Variants in KLHL25 observed in about 807,000 individuals in gnomAD.
KLHL25 encodes the protein kelch like family member 25, also known as kelch-like protein 25.
KLHL25 carries 41 observed loss-of-function variants against 30.0 expected under a neutral mutation model. That is an observed-to-expected ratio of 1.37 (90% CI 1.07 to 1.78). The LOEUF (loss-of-function observed/expected upper bound fraction) is 1.78, where lower values mean the gene tolerates loss of function less well. Ranked by LOEUF, KLHL25 falls within the 40% of genes most tolerant of loss-of-function variation. The probability of loss-of-function intolerance (pLI) is 0.00; values close to 1 mark genes in which losing one functional copy is unlikely to be tolerated. For synonymous variants in KLHL25, 399 were observed against 355.3 expected, an observed-to-expected ratio of 1.12 and a Z score of -1.38; for missense variants, 971 against 824.5, an observed-to-expected ratio of 1.18 and a Z score of -2.18.
chr15:85,773,991 G>A (rs1018789217), intron 1 of KLHL25, among the ~76,000 whole-genome samples: 8 of 152,160 alleles, frequency 5.3e-5, no homozygotes, highest in African/African-American at 1.9e-4. Context: ...GAATGGTTGT[G>A]TGTGATTATT....
rs35857947 is a variant in KLHL25, at chr15:85,777,485, C to A, written c.-10-7665G>T. On this transcript the variant is annotated intron_variant, in intron 1 of 2. Coordinates refer to ENST00000337975, the MANE Select transcript of KLHL25 (RefSeq NM_022480.4). ...CTACCCGTCAGCCTGCAGCCAAAGCCTGGAAAGCGAAGGGAGGTCCCGACA... is the reference window on the plus strand; with the variant it reads ...CTACCCGTCAGCCTGCAGCCAAAGCATGGAAAGCGAAGGGAGGTCCCGACA... Among the ~76,000 whole-genome samples, 972 of 152,340 alleles carry A rather than the reference C, an allele frequency of 6.4e-3. 6 individuals are homozygous for A. Among genetic ancestry groups the A allele is most frequent in the Non-Finnish European group, 0.011 (727 of 68,028 alleles).
intron 2 of KLHL25, chr15:85,763,059 T>C (rs533938852): frequency 1.7e-4 from 26 of 152,390 alleles, no homozygotes; most frequent in African/African-American, 5.5e-4. Context: ...AAAGAAGGGT[T>C]GGGAGTCTGC....
intron 1 of KLHL25, among the ~76,000 whole-genome samples, chr15:85,773,449 C>T (rs569032234): frequency 1.1e-4 from 17 of 152,230 alleles, no homozygotes; most frequent in African/African-American, 4.8e-5. Flanking sequence ...AGCACAATGC[C>T]GCCTCCTCCT....
At chr15:85,785,907 C>T (rs945275199) in intron 1 of KLHL25, among the ~76,000 whole-genome samples, 8 of 152,146 alleles carry the variant, frequency 5.3e-5, no homozygotes, top group African/African-American at 1.9e-4. Flanking sequence ...AGCGAAATGC[C>T]TTCAAGCTGC....
At chr15:85,794,200 G>A (rs1052065411) in intron 1 of KLHL25, among the ~76,000 whole-genome samples, 1 of 152,204 alleles carries the variant, frequency 6.6e-6, no homozygotes, top group African/African-American at 2.4e-5. Context: ...ACCTTTCTCT[G>A]CCGCTGGACA....
chr15:85,787,475 A>C (rs4843096), intron 1 of KLHL25, among the ~76,000 whole-genome samples: 26,991 of 152,160 alleles, frequency 0.18, 2,715 homozygotes, highest in East Asian at 0.35. Flanking sequence ...TCTGTAGAGA[A>C]ATGGGCATTC....
At chr15:85,794,171 G>T (rs1364007562) in intron 1 of KLHL25, among the ~76,000 whole-genome samples, 2 of 152,212 alleles carry the variant, frequency 1.3e-5, no homozygotes, top group Non-Finnish European at 2.9e-5. Context: ...GTGGACAGGT[G>T]GGTGTGCCTT....
intron 1 of KLHL25, among the ~76,000 whole-genome samples, chr15:85,772,206 C>G (rs1169460802): frequency 6.6e-5 from 10 of 152,140 alleles, no homozygotes; most frequent in Admixed American, 6.6e-4. Flanking sequence ...CGTGGAGAGC[C>G]AAGGACCAGG....
chr15:85,785,798 T>C (rs960972974), intron 1 of KLHL25, among the ~76,000 whole-genome samples: 2 of 152,186 alleles, frequency 1.3e-5, no homozygotes, highest in African/African-American at 4.8e-5. Context: ...TAAAAAGTCC[T>C]GGTTGGAGTG....
At chr15:85,769,973 A>G (rs1042733496) in intron 1 of KLHL25, among the ~76,000 whole-genome samples, 153 bp from the exon 2 acceptor site, 13 of 152,194 alleles carry the variant, frequency 8.5e-5, no homozygotes, top group African/African-American at 3.1e-4. Context: ...CCACGTTGCC[A>G]AGGACAACAC....
In KLHL25 at chr15:85,768,817, C is replaced by A. The variant is rs1330606928; in HGVS notation, c.994G>T (p.Glu332Ter). ...CAGCCGATCGCTGAGGCGCTGAACT[C>A]CTTCCGGGGGCTGGGCAGGTCGGCC... is the stretch of plus-strand genomic sequence containing the variant. ...PKADLPSPRK[E>*]FSASAIGCKV... Residue 332 changes from glutamate (E) to a stop codon, truncating the protein, a stop_gained, in exon 2 of 3, where the codon GAG (glutamate) becomes TAG (stop). Coordinates refer to ENST00000337975, the MANE Select transcript of KLHL25 (RefSeq NM_022480.4). LOFTEE classifies it high-confidence loss of function. The A allele has an allele frequency of 6.2e-7, 1 of 1,613,378 alleles. No individual in the cohort carries two copies. The highest frequency in any genetic ancestry group is 1.3e-5 in the African/African-American group (1 of 75,076).
chr15:85,769,831 A>G lies in KLHL25; in HGVS notation c.-10-11T>C. The G allele has an allele frequency of 6.3e-7, 1 of 1,590,358 alleles. No homozygotes were observed. Among genetic ancestry groups the G allele is most frequent in the Non-Finnish European group, 8.6e-7 (1 of 1,169,066 alleles). ...GACATGGTGCGTCAGCTTGTGGGGGAACAAGCCCACAGGTTAGAGGAGCCC... is the reference window on the plus strand; with the variant it reads ...GACATGGTGCGTCAGCTTGTGGGGGGACAAGCCCACAGGTTAGAGGAGCCC... On this transcript the variant is annotated splice_polypyrimidine_tract_variant and intron_variant, in intron 1 of 2. Transcript: ENST00000337975.
intron 1 of KLHL25, among the ~76,000 whole-genome samples, chr15:85,776,140 T>A (rs1704639318): frequency 6.8e-6 from 1 of 146,350 alleles, no homozygotes; most frequent in Non-Finnish European, 1.5e-5. Context: ...GCCACTGCAC[T>A]CCAGCCTGGG....
chr15:85,770,646 A>G, intron 1 of KLHL25: 1 of 483,548 alleles, frequency 2.1e-6, no homozygotes, highest in Admixed American at 2.2e-5. Flanking sequence ...GCCCAAGATG[A>G]CAGCAGGACA....
At chr15:85,770,377 G>C in intron 1 of KLHL25, 1 of 460,800 alleles carries the variant, frequency 2.2e-6, no homozygotes, top group South Asian at 1.5e-5. Context: ...ATCCCTGCAG[G>C]GTTTGCTGTG....
intron 1 of KLHL25, among the ~76,000 whole-genome samples, chr15:85,785,965 C>CA (rs370951423): frequency 8.0e-5 from 3 of 37,488 alleles, no homozygotes; most frequent in African/African-American, 1.8e-4. Flanking sequence ...AGCCGACCCA[C>CA]CCCCCCGCCC....
At chr15:85,782,650 C>T (rs2089751296) in intron 1 of KLHL25, among the ~76,000 whole-genome samples, 1 of 152,120 alleles carries the variant, frequency 6.6e-6, no homozygotes, top group African/African-American at 2.4e-5. Flanking sequence ...AGTACATGCT[C>T]AGAAAATGAA....
chr15:85,787,090 A>T (rs1158637962), intron 1 of KLHL25, among the ~76,000 whole-genome samples: 2 of 152,102 alleles, frequency 1.3e-5, no homozygotes, highest in Non-Finnish European at 2.9e-5. Flanking sequence ...TTAATGGAAC[A>T]ATGAGATTCC....
intron 1 of KLHL25, among the ~76,000 whole-genome samples, chr15:85,790,049 C>G (rs149229476): frequency 6.6e-6 from 1 of 152,340 alleles, no homozygotes; most frequent in East Asian, 1.9e-4. Flanking sequence ...CCACAGCACA[C>G]ATCCAAGGCA....
Sources: allele counts gnomAD v4.1 joint callset (sites outside exome capture counted in the v4.1 genomes callset), GRCh38; gene constraint gnomAD v4.1.1; transcripts MANE v1.5; gene names NCBI Gene and HGNC (gene_info 2026-07-23, HGNC 2026-07-21).